XKR9: variants seen among roughly 807,000 people sequenced by gnomAD.
XKR9 encodes the protein XK related 9.
Under a neutral mutation model 32.0 loss-of-function variants are expected in XKR9, and 32 were observed. That is an observed-to-expected ratio of 1.00 (90% CI 0.76 to 1.34). The LOEUF is 1.34. XKR9 is among the 40% of genes most tolerant of loss of function. The pLI, the probability that XKR9 is intolerant of heterozygous loss-of-function variation, is 0.00. For synonymous variants in XKR9, 168 were observed against 143.4 expected, an observed-to-expected ratio of 1.17 and a Z score of -1.22; for missense variants, 546 against 429.7, an observed-to-expected ratio of 1.27 and a Z score of -2.39.
At chr8:70,933,031 C>T in the XKR9 span, among the ~76,000 whole-genome samples, 2 of 152,074 alleles carry the variant, frequency 1.3e-5, no homozygotes, top group African/African-American at 4.8e-5. Flanking sequence ...GGACAGGTTT[C>T]CGACCCTCTA....
At chr8:70,974,869 A>C in the XKR9 span, among the ~76,000 whole-genome samples, 1 of 152,160 alleles carries the variant, frequency 6.6e-6, no homozygotes, top group African/African-American at 2.4e-5. Flanking sequence ...GTGTAAAAGC[A>C]TTCCTTTTCT....
At chr8:70,789,546 GA>G (rs1464746869) in intron 3 of XKR9, 2 of 152,030 alleles carry the variant, frequency 1.3e-5, no homozygotes, top group Non-Finnish European at 2.9e-5. Context: ...ATGAAGTAGA[GA>G]TGAGGAGGTA....
chr8:70,948,103 C>G, the XKR9 span, among the ~76,000 whole-genome samples: 1 of 152,012 alleles, frequency 6.6e-6, no homozygotes, highest in Non-Finnish European at 1.5e-5. Flanking sequence ...TCCTGCCCAC[C>G]CCCACCCTGC....
the XKR9 span, among the ~76,000 whole-genome samples, chr8:70,801,115 C>T: frequency 6.6e-6 from 1 of 151,390 alleles, no homozygotes; most frequent in African/African-American, 2.4e-5. Context: ...TATTTATGCT[C>T]TTTCAAGGAA....
the XKR9 span, among the ~76,000 whole-genome samples, chr8:70,883,151 C>T: frequency 6.6e-6 from 1 of 151,426 alleles, no homozygotes; most frequent in South Asian, 2.1e-4. Context: ...CCAACAATTC[C>T]CCAAAGTCTA....
intron 3 of XKR9, among the ~76,000 whole-genome samples, chr8:70,703,212 A>G (rs62530788): frequency 6.7e-6 from 1 of 148,578 alleles, no homozygotes; most frequent in Admixed American, 6.7e-5. Flanking sequence ...TGTCAATTTT[A>G]CCTGTTATTG....
chr8:71,005,843 G>A, the XKR9 span, among the ~76,000 whole-genome samples: 1 of 152,176 alleles, frequency 6.6e-6, no homozygotes, highest in Admixed American at 6.5e-5. Context: ...TACAGCTGCT[G>A]AGGTGGCATT....
chr8:71,032,980 A>G, the XKR9 span, among the ~76,000 whole-genome samples: 2 of 151,754 alleles, frequency 1.3e-5, no homozygotes, highest in Non-Finnish European at 2.9e-5. Context: ...GCTACTCGGG[A>G]GGCTGAGGCA....
the XKR9 span, among the ~76,000 whole-genome samples, chr8:70,975,758 G>GT: frequency 6.6e-6 from 1 of 152,118 alleles, no homozygotes; most frequent in Non-Finnish European, 1.5e-5. Context: ...CTTTAAAGTA[G>GT]TTTTTTCCAA....
rs1472488520 is a variant in XKR9, at chr8:70,735,779, C to A, written c.*1355C>A. On this transcript the variant is annotated 3_prime_UTR_variant, in exon 5 of 5. Transcript: ENST00000408926. The stretch of plus-strand genomic sequence containing the variant: ...ATTTCCAGCTTCATCCATGTCCCTA[C>A]AAAGGACATGAACTCATCATTTTTT... 1 of 151,892 alleles carries A rather than the reference C, an allele frequency of 6.6e-6. No homozygotes were observed. Among genetic ancestry groups the A allele is most frequent in the African/African-American group, 2.4e-5 (1 of 41,342 alleles). The allele number at this position is 151,892 out of a possible 1,614,324, so 9.4% of individuals were successfully genotyped here. A position where few individuals can be genotyped will look rare whatever the true frequency, so the allele number is the denominator to read the frequency against.
chr8:70,801,757 G>A, the XKR9 span, among the ~76,000 whole-genome samples: 1 of 152,022 alleles, frequency 6.6e-6, no homozygotes, highest in Non-Finnish European at 1.5e-5. Flanking sequence ...ACTGTCAGTG[G>A]GGTGTGGAAG....
chr8:70,903,342 T>G, the XKR9 span, among the ~76,000 whole-genome samples: 1 of 152,106 alleles, frequency 6.6e-6, no homozygotes, highest in African/African-American at 2.4e-5. Context: ...TATTCAGGGA[T>G]TCAACTTCCT....
the XKR9 span, among the ~76,000 whole-genome samples, chr8:70,901,471 C>G: frequency 6.6e-6 from 1 of 152,136 alleles, no homozygotes; most frequent in South Asian, 2.1e-4. Flanking sequence ...TGAGAAGTGT[C>G]TGTTCATATC....
At chr8:70,751,508 G>A (rs543671274) in intron 2 of XKR9, among the ~76,000 whole-genome samples, 3 of 152,174 alleles carry the variant, frequency 2.0e-5, no homozygotes, top group Admixed American at 1.3e-4. Context: ...GGGTGTGGTT[G>A]TGAGGCTACT....
chr8:70,792,194 C>T (rs1393591270), downstream of XKR9, among the ~76,000 whole-genome samples: 3 of 152,102 alleles, frequency 2.0e-5, no homozygotes, highest in Admixed American at 1.3e-4. Context: ...ATTCAATTAA[C>T]ACTAATAGAC....
chr8:70,769,246 A>T (rs1167655031), intron 2 of XKR9, among the ~76,000 whole-genome samples: 1 of 149,108 alleles, frequency 6.7e-6, no homozygotes, highest in Admixed American at 6.6e-5. Context: ...TTTTTTTTTA[A>T]GAATGTTGAA....
the XKR9 span, among the ~76,000 whole-genome samples, chr8:70,994,142 T>C: frequency 1.3e-5 from 2 of 152,188 alleles, no homozygotes; most frequent in Non-Finnish European, 2.9e-5. Flanking sequence ...GGTATTTTGT[T>C]AGAGCAGCAG....
At chr8:70,921,011 C>T in the XKR9 span, among the ~76,000 whole-genome samples, 116 of 152,330 alleles carry the variant, frequency 7.6e-4, no homozygotes, top group African/African-American at 2.6e-3. Flanking sequence ...GTGAGCCACA[C>T]ACCAGGATTT....
At chr8:70,783,975 G>A (rs903427988) in intron 2 of XKR9, among the ~76,000 whole-genome samples, 3 of 152,014 alleles carry the variant, frequency 2.0e-5, no homozygotes, top group Admixed American at 2.0e-4. Context: ...TTTCCAATGC[G>A]TGTCCTTAGC....
Sources: allele counts gnomAD v4.1 joint callset (sites outside exome capture counted in the v4.1 genomes callset), GRCh38; gene constraint gnomAD v4.1.1; transcripts MANE v1.5; gene names NCBI Gene and HGNC (gene_info 2026-07-23, HGNC 2026-07-21).